Variants in PDZD2 observed in about 807,000 individuals in gnomAD.
PDZD2 encodes PDZ domain containing 2.
PDZD2 carries 90 observed loss-of-function variants against 220.7 expected under a neutral mutation model. That is an observed-to-expected ratio of 0.41 (90% CI 0.34 to 0.49). The LOEUF is 0.49. PDZD2 is among the 20% of genes least tolerant of loss of function. The pLI, the probability that PDZD2 is intolerant of heterozygous loss-of-function variation, is 0.28. For missense variants in PDZD2, 3,174 were observed against 3,608.5 expected (o/e 0.88, Z 3.08); for synonymous variants, 1,375 against 1,450.5 (o/e 0.95, Z 1.18).
At chr5:31,964,747 G>A (rs1581171917) in intron 2 of PDZD2, among the ~76,000 whole-genome samples, 1 of 151,986 alleles carries the variant, frequency 6.6e-6, no homozygotes, top group Admixed American at 6.6e-5. Context: ...GCGGAGTCTC[G>A]CTCTGTCGCC....
At chr5:31,801,003 C>A (rs906981954) in intron 2 of PDZD2, among the ~76,000 whole-genome samples, 1 of 152,206 alleles carries the variant, frequency 6.6e-6, no homozygotes, top group Non-Finnish European at 1.5e-5. Context: ...GGAAACCAGC[C>A]AGGGGCAGGG....
intron 7 of PDZD2, among the ~76,000 whole-genome samples, chr5:32,045,904 A>G (rs755767592): frequency 7.9e-5 from 12 of 152,150 alleles, no homozygotes; most frequent in Non-Finnish European, 1.5e-4. Context: ...TAACTCATCA[A>G]TACTTTTTAA....
chr5:31,887,661 T>A (rs1037734020), intron 2 of PDZD2, among the ~76,000 whole-genome samples: 9 of 152,162 alleles, frequency 5.9e-5, no homozygotes, highest in Admixed American at 1.3e-4. Flanking sequence ...CTGATTTTTC[T>A]GTAGGAATCT....
At chr5:31,906,499 C>T (rs1339679106) in intron 2 of PDZD2, among the ~76,000 whole-genome samples, 1 of 151,892 alleles carries the variant, frequency 6.6e-6, no homozygotes, top group African/African-American at 2.4e-5. Flanking sequence ...TGTCAGCCAC[C>T]ATGCGCGGCC....
chr5:31,942,615 G>A (rs986851288), intron 2 of PDZD2, among the ~76,000 whole-genome samples: 4 of 152,200 alleles, frequency 2.6e-5, no homozygotes, highest in East Asian at 3.8e-4. Context: ...GATTATAGGC[G>A]TGAGCCACTG....
intron 5 of PDZD2, among the ~76,000 whole-genome samples, chr5:32,002,894 A>AACCCACACACC (rs1752342727): frequency 1.1e-5 from 1 of 93,664 alleles, no homozygotes; most frequent in Non-Finnish European, 2.0e-5. Flanking sequence ...CACACACACC[A>AACCCACACACC]ACACACACCC....
rs556077380 is a variant in PDZD2, at chr5:31,823,407, G to T, written c.476+23683G>T. On this transcript the variant is annotated intron_variant, in intron 2 of 24. Transcript: ENST00000438447. The stretch of plus-strand genomic sequence containing the variant: ...CATTTGGACCCAGGAGGCGGAGGTT[G>T]CAGTGAGCCAAGATCGCGCCATTGC... Among the ~76,000 whole-genome samples the T allele has an allele frequency of 2.0e-5, 3 of 152,270 alleles. No homozygotes were observed. In the East Asian group the frequency reaches 5.8e-4, roughly 29 times the overall value.
chr5:32,012,928 G>A (rs1419782170), intron 6 of PDZD2, among the ~76,000 whole-genome samples: 2 of 151,668 alleles, frequency 1.3e-5, no homozygotes, highest in Non-Finnish European at 2.9e-5. Flanking sequence ...ATTCATATGA[G>A]TTTTTCCGAG....
intron 3 of PDZD2, among the ~76,000 whole-genome samples, chr5:31,990,926 C>G (rs768628109): frequency 6.6e-6 from 1 of 152,076 alleles, no homozygotes; most frequent in East Asian, 1.9e-4. Flanking sequence ...AGTAAAGAGG[C>G]GATGTTTGAG....
intron 4 of PDZD2, among the ~76,000 whole-genome samples, chr5:31,999,750 G>C (rs2111991518): frequency 6.6e-6 from 1 of 152,252 alleles, no homozygotes; most frequent in Middle Eastern, 3.4e-3. Context: ...CTGTTTCTGA[G>C]CTTAGCTCAG....
chr5:32,101,779 A>G lies in PDZD2; in HGVS notation c.8353+540A>G, dbSNP rs866453117. Reference sequence around the variant, plus strand: ...ATAGATATTATTGAAATGCTTGGTAAATATCCATCTCTTTATCAACTTGCA... The same window carrying G: ...ATAGATATTATTGAAATGCTTGGTAGATATCCATCTCTTTATCAACTTGCA... On this transcript the variant is annotated intron_variant, in intron 24 of 24. Transcript: ENST00000438447. Among the ~76,000 whole-genome samples the G allele has an allele frequency of 2.0e-5, 3 of 152,336 alleles. No homozygotes were observed. In the Middle Eastern group the frequency reaches 0.01, roughly 518 times the overall value.
chr5:31,799,546 C>T lies in PDZD2; in HGVS notation c.298C>T (p.Arg100Cys), dbSNP rs537454049. The T allele has an allele frequency of 4.0e-5, 65 of 1,613,928 alleles. No homozygotes were observed. In the Admixed American group the frequency reaches 8.5e-4, roughly 21 times the overall value. The stretch of plus-strand genomic sequence containing the variant: ...TGTTTTCGGGGACTATGGTGAAAAG[C>T]GCAGGGGGGGCAAGAAGAGGAAAAC... ...IPVFGDYGEKRRGGKKRKTHQ... is the reference protein window; with the variant it reads ...IPVFGDYGEKCRGGKKRKTHQ... The change falls in exon 2 of 25, where the codon CGC (arginine) becomes TGC (cysteine). Residue 100 changes from arginine to cysteine, a missense_variant. Coordinates refer to ENST00000438447, the MANE Select transcript of PDZD2 (RefSeq NM_178140.4).
At chr5:31,984,397 T>G (rs1242006253) in intron 3 of PDZD2, among the ~76,000 whole-genome samples, 1 of 152,304 alleles carries the variant, frequency 6.6e-6, no homozygotes, top group Non-Finnish European at 1.5e-5. Context: ...AGGGTAGACA[T>G]GTTCATTCCA....
At chr5:31,659,981 G>A (rs746378967) in intron 1 of PDZD2, among the ~76,000 whole-genome samples, 7 of 152,136 alleles carry the variant, frequency 4.6e-5, no homozygotes, top group South Asian at 2.1e-4. Flanking sequence ...TAGCCCTATC[G>A]AATTGAGAAG....
chr5:31,771,970 A>T (rs1419065989), intron 1 of PDZD2, among the ~76,000 whole-genome samples: 1 of 152,202 alleles, frequency 6.6e-6, no homozygotes, highest in Admixed American at 6.5e-5. Flanking sequence ...TTGATATGGA[A>T]TCACAATGTG....
chr5:32,004,588 C>T (rs1438453685), intron 5 of PDZD2, among the ~76,000 whole-genome samples: 1 of 152,202 alleles, frequency 6.6e-6, no homozygotes, highest in Non-Finnish European at 1.5e-5. Context: ...AAGACCCTGT[C>T]TCAAAAAACA....
intron 1 of PDZD2, among the ~76,000 whole-genome samples, chr5:31,665,508 G>T (rs29758): frequency 7.2e-5 from 11 of 152,078 alleles, no homozygotes; most frequent in Admixed American, 6.6e-5. Context: ...ATCTCAAATC[G>T]TAATCCCTAT....
chr5:31,906,686 T>C lies in PDZD2; in HGVS notation c.477-76469T>C, dbSNP rs140210491. Among the ~76,000 whole-genome samples the C allele has an allele frequency of 3.5e-3, 529 of 151,974 alleles. 1 individual carries two copies. Among genetic ancestry groups the C allele is most frequent in the African/African-American group, 0.012 (512 of 41,466 alleles). ...GGTGAAACCCCGTCTCTACTAAAAA[T>C]ACAAAAATTAGCCGGGCATGGTGGC... On this transcript the variant is annotated intron_variant, in intron 2 of 24. Coordinates refer to ENST00000438447, the MANE Select transcript of PDZD2 (RefSeq NM_178140.4).
At chr5:32,052,444 C>T (rs778195661) in intron 8 of PDZD2, 167 bp from the exon 9 acceptor site, 3 of 617,006 alleles carry the variant, frequency 4.9e-6, no homozygotes, top group Admixed American at 2.6e-5. Context: ...CGGTGCCCAG[C>T]ACCTGCGATA....
Sources: allele counts gnomAD v4.1 joint callset (sites outside exome capture counted in the v4.1 genomes callset), GRCh38; gene constraint gnomAD v4.1.1; transcripts MANE v1.5; gene names NCBI Gene and HGNC (gene_info 2026-07-23, HGNC 2026-07-21).